The following CDK6 variants were observed in gnomAD, a reference collection of about 807,000 sequenced individuals.
The protein encoded by CDK6 is cyclin-dependent kinase 6.
Under a neutral mutation model 37.1 loss-of-function variants are expected in CDK6, and 6 were observed. The observed-to-expected ratio is 0.16, with a 90% CI of 0.09 to 0.32. The LOEUF (loss-of-function observed/expected upper bound fraction) is 0.32, where lower values mean the gene tolerates loss of function less well. Ranked by LOEUF, CDK6 falls within the 10% of genes least tolerant of loss-of-function variation. The pLI is 1.00. For missense variants in CDK6, 224 were observed against 418.9 expected, an observed-to-expected ratio of 0.53 and a Z score of 4.06; for synonymous variants, 160 against 161.3, an observed-to-expected ratio of 0.99 and a Z score of 0.06.
chr7:92,766,469 G>T (rs930803080), intron 3 of CDK6, among the ~76,000 whole-genome samples: 1 of 152,198 alleles, frequency 6.6e-6, no homozygotes, highest in African/African-American at 2.4e-5. Context: ...TGTTTTACAT[G>T]GTTAGCTGAC....
chr7:92,825,784 T>C (rs1197237435), intron 2 of CDK6, among the ~76,000 whole-genome samples: 1 of 152,200 alleles, frequency 6.6e-6, no homozygotes, highest in Admixed American at 6.5e-5. Flanking sequence ...TACCTTACTT[T>C]CTTACATTTG....
rs1198678984 is a variant in CDK6 at position 92,665,268 on chromosome 7, C to CATCA, written c.647+6157_647+6158insTGAT. 6.2e-5 allele frequency among the ~76,000 whole-genome samples: 6 copies of CATCA among 96,224 alleles called. No individual in the cohort carries two copies. In the East Asian group the frequency reaches 2.0e-3, roughly 33 times the overall value. The allele number at this position is 96,224 out of a possible 152,430, so 63.1% of individuals were successfully genotyped here. On this transcript the variant is annotated intron_variant, in intron 5 of 7. Coordinates refer to ENST00000424848, the MANE Select transcript of CDK6 (RefSeq NM_001145306.2). ...AATCAATCTATCACAACCATCCAAT[C>CATCA]ATCCATCCATCCATCCATCCATCCA...
intron 3 of CDK6, among the ~76,000 whole-genome samples, chr7:92,748,769 A>G (rs58535851): frequency 0.03 from 4,505 of 152,260 alleles, 189 homozygotes; most frequent in African/African-American, 0.099. Flanking sequence ...TAGTTGAGGC[A>G]CTGCTTCCTG....
chr7:92,801,922 C>G (rs892699296), intron 2 of CDK6, among the ~76,000 whole-genome samples: 7 of 151,614 alleles, frequency 4.6e-5, no homozygotes, highest in Admixed American at 1.3e-4. Flanking sequence ...TGCGCCACCC[C>G]GCCTCTCTTT....
intron 2 of CDK6, among the ~76,000 whole-genome samples, chr7:92,812,671 C>T (rs2115947362): frequency 6.6e-6 from 1 of 152,220 alleles, no homozygotes; most frequent in Non-Finnish European, 1.5e-5. Flanking sequence ...AGCAATCCTC[C>T]CACCTCAGCC....
intron 4 of CDK6, among the ~76,000 whole-genome samples, chr7:92,672,184 G>GACACACACACACACACACACACACAC (rs1175195840): frequency 9.1e-5 from 4 of 44,140 alleles, no homozygotes; most frequent in Non-Finnish European, 1.5e-4. Flanking sequence ...CACACACACA[G>GACACACACACACACACACACACACAC]ACACATACAC....
intron 3 of CDK6, among the ~76,000 whole-genome samples, chr7:92,774,094 T>C (rs1343454313): frequency 1.3e-5 from 2 of 152,182 alleles, no homozygotes; most frequent in Non-Finnish European, 2.9e-5. Flanking sequence ...ATATACTGCA[T>C]CTAGTTTACT....
intron 5 of CDK6, among the ~76,000 whole-genome samples, chr7:92,629,119 G>A (rs1022012662): frequency 4.6e-5 from 7 of 151,982 alleles, no homozygotes; most frequent in African/African-American, 7.2e-5. Context: ...AGGAAAGACC[G>A]TGGCAGAAAG....
At chr7:92,656,520 A>G (rs1367997980) in intron 5 of CDK6, among the ~76,000 whole-genome samples, 1 of 152,212 alleles carries the variant, frequency 6.6e-6, no homozygotes, top group Non-Finnish European at 1.5e-5. Flanking sequence ...ATAAAATCTC[A>G]GCAATCTACA....
intron 4 of CDK6, among the ~76,000 whole-genome samples, chr7:92,717,166 AC>A (rs1298723419): frequency 6.7e-6 from 1 of 148,680 alleles, no homozygotes; most frequent in Admixed American, 6.8e-5. Flanking sequence ...ACATAATGAG[AC>A]CCCCATCTCT....
intron 3 of CDK6, among the ~76,000 whole-genome samples, chr7:92,758,833 AT>A (rs1191624491): frequency 6.6e-6 from 1 of 151,960 alleles, no homozygotes; most frequent in Non-Finnish European, 1.5e-5. Flanking sequence ...TGTAATTTTC[AT>A]TGCAGAGATT....
intron 3 of CDK6, among the ~76,000 whole-genome samples, chr7:92,760,566 G>C (rs1305936148): frequency 2.0e-5 from 3 of 152,032 alleles, no homozygotes; most frequent in African/African-American, 7.2e-5. Flanking sequence ...TAAAAATATT[G>C]GGTTGAATTA....
chr7:92,676,813 A>G (rs1052679738), intron 4 of CDK6, among the ~76,000 whole-genome samples: 1 of 152,104 alleles, frequency 6.6e-6, no homozygotes, highest in Admixed American at 6.6e-5. Flanking sequence ...GAGTTGCAAA[A>G]TTTACAACTC....
intron 4 of CDK6, among the ~76,000 whole-genome samples, chr7:92,721,535 A>G (rs1208859942): frequency 6.6e-6 from 1 of 152,220 alleles, no homozygotes; most frequent in Non-Finnish European, 1.5e-5. Context: ...AAAAAGGTAT[A>G]ATACTCTGTA....
chr7:92,761,665 T>C (rs140753136), intron 3 of CDK6, among the ~76,000 whole-genome samples: 1 of 152,358 alleles, frequency 6.6e-6, no homozygotes, highest in East Asian at 1.9e-4. Context: ...TTTATTTTAC[T>C]TTGAAACCTG....
intron 3 of CDK6, among the ~76,000 whole-genome samples, chr7:92,764,789 T>C (rs569531044): frequency 6.6e-6 from 1 of 152,330 alleles, no homozygotes; most frequent in South Asian, 2.1e-4. Flanking sequence ...ATTACTTACT[T>C]AACTGCAATG....
At chr7:92,674,657 C>G (rs772851818) in intron 4 of CDK6, among the ~76,000 whole-genome samples, 1 of 152,208 alleles carries the variant, frequency 6.6e-6, no homozygotes, top group Non-Finnish European at 1.5e-5. Context: ...GTAAACAAAA[C>G]TGCAGGTGCA....
rs1795422885 is a variant in CDK6 at position 92,606,154 on chromosome 7, A to T, written c.*8986T>A. 1 of 233,556 alleles carries T rather than the reference A, an allele frequency of 4.3e-6. No homozygotes were observed. Among genetic ancestry groups the T allele is most frequent in the African/African-American group, 2.2e-5 (1 of 45,364 alleles). 14.5% of individuals were successfully genotyped at this position (233,556 alleles called of 1,614,324 possible). A position where few individuals can be genotyped will look rare whatever the true frequency, so the allele number is the denominator to read the frequency against. On this transcript the variant is annotated 3_prime_UTR_variant, in exon 8 of 8. Coordinates refer to ENST00000424848, the MANE Select transcript of CDK6 (RefSeq NM_001145306.2). ...AATACAGTAAAAGTGTGGCCTGTAG[A>T]TGGAGAGAAAACAGCAGCCTGGAAT...
intron 5 of CDK6, among the ~76,000 whole-genome samples, chr7:92,671,076 C>T (rs1797061759): frequency 6.6e-6 from 1 of 152,154 alleles, no homozygotes; most frequent in Admixed American, 6.5e-5. Flanking sequence ...CCTTGGTTCT[C>T]CTCCTATGGA....
Sources: gnomAD v4.1 joint callset for allele counts (sites outside exome capture counted in the v4.1 genomes callset) on GRCh38, gnomAD v4.1.1 for gene constraint, MANE v1.5 for transcripts, NCBI Gene and HGNC (gene_info 2026-07-23, HGNC 2026-07-21) for gene names.